The following ARHGAP15 variants were observed in gnomAD, a reference collection of about 807,000 sequenced individuals.
The protein encoded by ARHGAP15 is Rho GTPase activating protein 15.
In ARHGAP15, 51 loss-of-function variants were observed where a neutral mutation model predicts 63.7. The observed-to-expected ratio is 0.80, with a 90% CI of 0.64 to 1.01. The LOEUF (loss-of-function observed/expected upper bound fraction) is 1.01, where lower values mean the gene tolerates loss of function less well. Ranked by LOEUF, ARHGAP15 falls within the 50% of genes least tolerant of loss-of-function variation. The probability of loss-of-function intolerance (pLI) is 0.00; values close to 1 mark genes in which losing one functional copy is unlikely to be tolerated. For missense variants in ARHGAP15, 560 were observed against 564.6 expected (o/e 0.99, Z 0.08); for synonymous variants, 191 against 193.8 (o/e 0.99, Z 0.12).
chr2:143,559,166 A>G (rs566342332), intron 11 of ARHGAP15, among the ~76,000 whole-genome samples: 1 of 152,290 alleles, frequency 6.6e-6, no homozygotes, highest in East Asian at 1.9e-4. Flanking sequence ...CATTTCTTCT[A>G]CAAAGAAGAA....
intron 6 of ARHGAP15, among the ~76,000 whole-genome samples, chr2:143,428,374 TAA>T (rs1689223596): frequency 6.6e-6 from 1 of 151,478 alleles, no homozygotes; most frequent in Admixed American, 6.6e-5. Context: ...CATGCCAAAT[TAA>T]AGAGTTTGCA....
chr2:143,520,321 A>T (rs1045218707), intron 10 of ARHGAP15, among the ~76,000 whole-genome samples: 1 of 152,218 alleles, frequency 6.6e-6, no homozygotes, highest in Non-Finnish European at 1.5e-5. Context: ...TTATTATAAA[A>T]GCATAATAAA....
chr2:143,566,562 G>T (rs1391177481), intron 11 of ARHGAP15, among the ~76,000 whole-genome samples: 1 of 152,088 alleles, frequency 6.6e-6, no homozygotes, highest in Non-Finnish European at 1.5e-5. Context: ...GGCATCCCAG[G>T]TCTGCTCCCT....
At chr2:143,447,699 T>C (rs1690208603) in intron 8 of ARHGAP15, among the ~76,000 whole-genome samples, 1 of 152,216 alleles carries the variant, frequency 6.6e-6, no homozygotes, top group African/African-American at 2.4e-5. Flanking sequence ...AATTATTAGC[T>C]TGGCTCAAAA....
intron 2 of ARHGAP15, among the ~76,000 whole-genome samples, chr2:143,163,428 T>C (rs1441353459): frequency 6.6e-6 from 1 of 151,512 alleles, no homozygotes; most frequent in African/African-American, 2.4e-5. Context: ...CATATCTATA[T>C]ACAGATATAT....
chr2:143,466,943 G>GT (rs1001799767), intron 8 of ARHGAP15, among the ~76,000 whole-genome samples: 2 of 151,932 alleles, frequency 1.3e-5, no homozygotes, highest in African/African-American at 4.8e-5. Flanking sequence ...AATTCATATG[G>GT]TTTTCCTTTT....
At chr2:143,236,294 C>T (rs1693642061) in intron 5 of ARHGAP15, 1 of 209,934 alleles carries the variant, frequency 4.8e-6, no homozygotes, top group Non-Finnish European at 9.4e-6. Flanking sequence ...AAATATTAGA[C>T]AACATGCCAT....
intron 1 of ARHGAP15, among the ~76,000 whole-genome samples, chr2:143,142,636 G>T (rs1689417331): frequency 6.6e-6 from 1 of 152,220 alleles, no homozygotes; most frequent in South Asian, 2.1e-4. Flanking sequence ...AAGTACTGTT[G>T]TAAGGGAGAT....
intron 12 of ARHGAP15, among the ~76,000 whole-genome samples, chr2:143,684,686 A>C (rs540809324): frequency 7.9e-5 from 12 of 152,308 alleles, no homozygotes; most frequent in African/African-American, 2.9e-4. Flanking sequence ...TGTAGCATGC[A>C]TGTTGTTTTG....
chr2:143,376,990 A>T (rs902312333), intron 6 of ARHGAP15, among the ~76,000 whole-genome samples: 5 of 152,130 alleles, frequency 3.3e-5, no homozygotes, highest in Non-Finnish European at 5.9e-5. Context: ...AATAAACAAG[A>T]ACTTCAATTC....
chr2:143,434,215 T>C (rs1401164612), intron 6 of ARHGAP15, among the ~76,000 whole-genome samples: 1 of 152,102 alleles, frequency 6.6e-6, no homozygotes, highest in Non-Finnish European at 1.5e-5. Flanking sequence ...TATTTTTAAA[T>C]CTTTCACTTC....
intron 6 of ARHGAP15, among the ~76,000 whole-genome samples, chr2:143,288,626 T>C (rs1389430315): frequency 6.6e-6 from 1 of 151,858 alleles, no homozygotes; most frequent in Non-Finnish European, 1.5e-5. Flanking sequence ...GGGACACTTT[T>C]TTTTTTTTTG....
intron 8 of ARHGAP15, among the ~76,000 whole-genome samples, chr2:143,459,102 A>T (rs887574403): frequency 1.3e-5 from 2 of 152,168 alleles, no homozygotes; most frequent in Non-Finnish European, 1.5e-5. Flanking sequence ...TAGTGGCTTC[A>T]ATTAAAGACC....
At chr2:143,250,314 ATAAG>A (rs1680089072) in intron 5 of ARHGAP15, among the ~76,000 whole-genome samples, 193 bp from the exon 6 acceptor site, 1 of 152,122 alleles carries the variant, frequency 6.6e-6, no homozygotes, top group South Asian at 2.1e-4. Flanking sequence ...AATTTTAAAA[ATAAG>A]TCTGTAATTT....
intron 6 of ARHGAP15, among the ~76,000 whole-genome samples, chr2:143,259,499 T>C (rs559332174): frequency 1.0e-3 from 154 of 152,222 alleles, no homozygotes; most frequent in Non-Finnish European, 1.9e-3. Flanking sequence ...ATTGTTCTAT[T>C]ATTAACATAG....
At chr2:143,222,164 A>T (rs1693028496) in intron 4 of ARHGAP15, among the ~76,000 whole-genome samples, 1 of 152,236 alleles carries the variant, frequency 6.6e-6, no homozygotes, top group African/African-American at 2.4e-5. Context: ...AGAATATGAG[A>T]CAGAAGAAGT....
intron 6 of ARHGAP15, among the ~76,000 whole-genome samples, chr2:143,419,775 A>G (rs992738513): frequency 2.0e-5 from 3 of 152,104 alleles, no homozygotes; most frequent in African/African-American, 7.2e-5. Context: ...TAGTTTTTAT[A>G]CATTTCTGGT....
chr2:143,519,435 G>A (rs1456569207), intron 10 of ARHGAP15, 71 bp downstream of exon 10: 16 of 1,222,462 alleles, frequency 1.3e-5, no homozygotes, highest in Non-Finnish European at 1.1e-5. Flanking sequence ...CAAGTTAGCA[G>A]TGCCACCTGA....
intron 12 of ARHGAP15, among the ~76,000 whole-genome samples, chr2:143,669,048 C>T (rs1042146793): frequency 8.5e-5 from 13 of 152,174 alleles, no homozygotes; most frequent in African/African-American, 3.1e-4. Context: ...CCTCAGACCC[C>T]TGAGCTTAAA....
Sources: allele counts gnomAD v4.1 joint callset (sites outside exome capture counted in the v4.1 genomes callset), GRCh38; gene constraint gnomAD v4.1.1; transcripts MANE v1.5; gene names NCBI Gene and HGNC (gene_info 2026-07-23, HGNC 2026-07-21).